The following RRP7A variants were observed in gnomAD, a reference collection of about 807,000 sequenced individuals.
RRP7A encodes ribosomal RNA processing 7 homolog A.
Under a neutral mutation model 38.4 loss-of-function variants are expected in RRP7A, and 27 were observed. The observed-to-expected ratio is 0.70, with a 90% CI of 0.52 to 0.97. The LOEUF (loss-of-function observed/expected upper bound fraction) is 0.97, where lower values mean the gene tolerates loss of function less well. Ranked by LOEUF, RRP7A falls within the 50% of genes least tolerant of loss-of-function variation. The pLI is 0.00. For missense variants in RRP7A, 327 were observed against 375.4 expected, an observed-to-expected ratio of 0.87 and a Z score of 1.07; for synonymous variants, 124 against 150.3, an observed-to-expected ratio of 0.83 and a Z score of 1.28.
chr22:42,517,213 G>A (rs1395432357), intron 2 of RRP7A, among the ~76,000 whole-genome samples: 1 of 151,872 alleles, frequency 6.6e-6, no homozygotes, highest in Non-Finnish European at 1.5e-5. Flanking sequence ...GGGAAGCGGA[G>A]GTTGCAGTGA....
Position 42,518,009 on chromosome 22 carries a change from G to A in RRP7A, c.212C>T (p.Thr71Ile), listed in dbSNP as rs746058080. 1.2e-6 allele frequency: 2 copies of A among 1,612,628 alleles called. No individual in the cohort carries two copies. Among genetic ancestry groups the A allele is most frequent in the South Asian group, 2.2e-5 (2 of 90,826 alleles). ...CCCAGACAGACACTAGCTCACCTCT[G>A]TGCAGTATGGGGGCACATTGAGGAC... The part of the protein sequence containing the change: ...LFVLNVPPYC[T>I]EESLSRLLST... The change falls in exon 2 of 7, where the codon ACA (threonine) becomes ATA (isoleucine). Residue 71 changes from threonine (T) to isoleucine (I), a missense_variant. Around this residue, in one of 5 missense-constraint regions of RRP7A, gnomAD observed 183 missense variants for 141.8 expected, o/e 1.29. Coordinates refer to ENST00000323013, the MANE Select transcript of RRP7A (RefSeq NM_015703.5).
In RRP7A at chr22:42,509,170, C is replaced by A. The variant is rs1414913690; in HGVS notation, c.*3740G>T. 5 of 1,609,800 alleles carry A rather than the reference C, an allele frequency of 3.1e-6. No individual in the cohort carries two copies. Among genetic ancestry groups the A allele is most frequent in the Non-Finnish European group, 4.2e-6 (5 of 1,177,434 alleles). ...AAGGAGACATGGGCGCCAGGAATCT[C>A]TGGGAGGGGGCCCTGGCATGAGGCT... is the stretch of plus-strand genomic sequence containing the variant. On this transcript the variant is annotated 3_prime_UTR_variant, in exon 7 of 7. Transcript: ENST00000323013.
chr22:42,508,614 G>A lies in RRP7A; in HGVS notation c.*4296C>T, dbSNP rs1159120962. Among the ~76,000 whole-genome samples, 1 of 152,220 alleles carries A rather than the reference G, an allele frequency of 6.6e-6. No homozygotes were observed. The highest frequency in any genetic ancestry group is 2.4e-5 in the African/African-American group (1 of 41,448). On this transcript the variant is annotated 3_prime_UTR_variant, in exon 7 of 7. Transcript: ENST00000323013. ...GCAAGTTTCTTTCTCCTGGCAAGAA[G>A]CCTGTCCCAGGCTGGCAGGGGACAG...
At position 42,515,999 on chromosome 22, in the gene RRP7A, T is replaced by C; in HGVS notation, c.342+12A>G. 1.3e-6 allele frequency: 2 copies of C among 1,583,206 alleles called. No individual in the cohort carries two copies. The highest frequency in any genetic ancestry group is 1.7e-6 in the Non-Finnish European group (2 of 1,162,398). On this transcript the variant is annotated intron_variant, in intron 3 of 6. Coordinates refer to ENST00000323013, the MANE Select transcript of RRP7A (RefSeq NM_015703.5). Reference sequence around the variant, plus strand: ...CCCTCACTCTAGTGGAACCCCGGGCTTGGCGGCTCACCGGAACTGGCTTGG... The same window carrying C: ...CCCTCACTCTAGTGGAACCCCGGGCCTGGCGGCTCACCGGAACTGGCTTGG...
At chr22:42,515,749 G>C (rs1470433091) in intron 3 of RRP7A, among the ~76,000 whole-genome samples, 1 of 152,188 alleles carries the variant, frequency 6.6e-6, no homozygotes, top group Non-Finnish European at 1.5e-5. Flanking sequence ...GGGGAGCCGG[G>C]GAAGGCCCTG....
rs144187064 is a variant in RRP7A, at chr22:42,509,850, GGTGTGTGT to G, written c.*3052_*3059del. The G allele has an allele frequency of 1.8e-5, 1 of 56,864 alleles. No homozygotes were observed. Among genetic ancestry groups the G allele is most frequent in the Non-Finnish European group, 3.4e-5 (1 of 29,032 alleles). 3.5% of individuals were successfully genotyped at this position (56,864 alleles called of 1,614,324 possible). On this transcript the variant is annotated 3_prime_UTR_variant, in exon 7 of 7. Coordinates refer to ENST00000323013, the MANE Select transcript of RRP7A (RefSeq NM_015703.5). Reference sequence around the variant, plus strand: ...AAGCCTGTTGGGGGTGGGGGGGTGGGGTGTGTGTGTGTGTGTGTAAGCTCAGAGGTTTG... The same window carrying G: ...AAGCCTGTTGGGGGTGGGGGGGTGGGGTGTGTGTGTAAGCTCAGAGGTTTG...
In RRP7A at chr22:42,516,132, C is replaced by T; in HGVS notation, c.221G>A (p.Ser74Asn). Reference protein sequence around the residue: ...LNVPPYCTEESLSRLLSTCGL... With the variant: ...LNVPPYCTEENLSRLLSTCGL... ...ACAGGTGGACAGGAGGCGGGACAGG[C>T]TCTCCTGCCGCAGGGAGAGGGAAGC... The change falls in exon 3 of 7, where the codon AGC becomes AAC. Residue 74 changes from serine (S) to asparagine (N), a missense_variant. Ser to Asn is a conservative substitution (Grantham distance 46). This residue lies in a region of RRP7A where 183 missense variants were observed against 141.8 expected (regional missense o/e 1.29). Transcript: ENST00000323013. 1.2e-6 allele frequency: 2 copies of T among 1,612,872 alleles called. No homozygotes were observed. Among genetic ancestry groups the T allele is most frequent in the Non-Finnish European group, 1.7e-6 (2 of 1,179,516 alleles).
In RRP7A at chr22:42,514,154, C is replaced by A. The variant is rs1343010242; in HGVS notation, c.709G>T (p.Glu237Ter). ...TGCCAGGCGTAGAAGTTGAGCAGCT[C>A]TTTTCGGCTGCGCTTCCGTCTCTCC... Reference protein sequence around the residue: ...ERERRKRSRKELLNFYAWQHR... With the variant: ...ERERRKRSRK The change falls in exon 6 of 7, where the codon GAG becomes TAG. Residue 237 changes from glutamate to a stop codon, truncating the protein, a stop_gained. Transcript: ENST00000323013. LOFTEE classifies it high-confidence loss of function. 1.2e-6 allele frequency: 2 copies of A among 1,613,564 alleles called. No homozygotes were observed. The highest frequency in any genetic ancestry group is 1.1e-5 in the South Asian group (1 of 91,038).
At chr22:42,516,535 ACTC>A (rs1427243223) in intron 2 of RRP7A, 14 of 353,826 alleles carry the variant, frequency 4.0e-5, no homozygotes, top group Non-Finnish European at 7.8e-5. Context: ...CTGGTCTTGA[ACTC>A]CTGACCTCAG....
chr22:42,510,303 TTC>T lies in RRP7A; in HGVS notation c.*2605_*2606del, dbSNP rs535713802. 2.5e-3 allele frequency: 390 copies of T among 158,314 alleles called. 4 individuals are homozygous for T. Among genetic ancestry groups the T allele is most frequent in the African/African-American group, 8.6e-3 (358 of 41,806 alleles). 9.8% of individuals were successfully genotyped at this position (158,314 alleles called of 1,614,324 possible). A position where few individuals can be genotyped will look rare whatever the true frequency, so the allele number is the denominator to read the frequency against. ...AATGGGAGGATTGTGAAGACATAAA[TTC>T]TCTCTCAGAGCAAGTGTGGGCTCCA... On this transcript the variant is annotated 3_prime_UTR_variant, in exon 7 of 7. Coordinates refer to ENST00000323013, the MANE Select transcript of RRP7A (RefSeq NM_015703.5).
chr22:42,513,977 C>A (rs538376046), intron 6 of RRP7A, 129 bp downstream of exon 6: 1 of 782,762 alleles, frequency 1.3e-6, no homozygotes, highest in African/African-American at 1.7e-5. Context: ...GTGCGAGCCC[C>A]GTGCTTAGGG....
At position 42,512,958 on chromosome 22, in the gene RRP7A, C is replaced by T. The variant is rs1601805201; in HGVS notation, c.795G>A (p.Lys265=). 1.9e-6 allele frequency: 3 copies of T among 1,613,586 alleles called. No individual in the cohort carries two copies. Among genetic ancestry groups the T allele is most frequent in the East Asian group, 4.5e-5 (2 of 44,880 alleles). ...AQLRKKFEED[K]QRIELLRAQR... is the part of the protein sequence containing the mutation. ...GGGCCCGCAGCAGCTCGATCCTCTG[C>T]TTGTCCTCCTCGAACTTCTTGCGCA... The change falls in exon 7 of 7, where the codon AAG becomes AAA. Residue 265 remains lysine, a synonymous_variant. Coordinates refer to ENST00000323013, the MANE Select transcript of RRP7A (RefSeq NM_015703.5).
chr22:42,517,962 A>AC, intron 2 of RRP7A, 43 bp downstream of exon 2: 1 of 1,598,298 alleles, frequency 6.3e-7, no homozygotes, highest in Non-Finnish European at 8.5e-7. Context: ...GGGAGCCCCC[A>AC]CCTTGAGCCC....
rs961169962 is a variant in RRP7A at position 42,508,360 on chromosome 22, A to G, written c.*4550T>C. Among the ~76,000 whole-genome samples, 2 of 148,484 alleles carry G rather than the reference A, an allele frequency of 1.3e-5. No homozygotes were observed. Among genetic ancestry groups the G allele is most frequent in the African/African-American group, 2.5e-5 (1 of 40,388 alleles). ...TTCTATAAATTCTTCTCATATTTTT[A>G]TTTAACATCCACAATGTGATTTAAG... On this transcript the variant is annotated 3_prime_UTR_variant, in exon 7 of 7. Coordinates refer to ENST00000323013, the MANE Select transcript of RRP7A (RefSeq NM_015703.5).
intron 1 of RRP7A, chr22:42,518,837 G>T (rs1464629674): frequency 2.2e-6 from 1 of 456,448 alleles, no homozygotes; most frequent in African/African-American, 2.0e-5. Context: ...AGTACCGGTT[G>T]GCGTAGAGCT....
intron 3 of RRP7A, 91 bp downstream of exon 3, chr22:42,515,920 G>A (rs1920928214): frequency 1.4e-6 from 2 of 1,439,836 alleles, no homozygotes; most frequent in Non-Finnish European, 1.9e-6. Flanking sequence ...ACCAGAGAAT[G>A]CTCTGATGTC....
At chr22:42,516,999 CA>C (rs1920931665) in intron 2 of RRP7A, among the ~76,000 whole-genome samples, 1 of 151,910 alleles carries the variant, frequency 6.6e-6, no homozygotes, top group Non-Finnish European at 1.5e-5. Context: ...TTCCCTTGGC[CA>C]GGGGCGGTGG....
rs1352989151 is a variant in RRP7A at position 42,509,523 on chromosome 22, A to G, written c.*3387T>C. On this transcript the variant is annotated 3_prime_UTR_variant, in exon 7 of 7. Coordinates refer to ENST00000323013, the MANE Select transcript of RRP7A (RefSeq NM_015703.5). ...TATTTTTGTATTTTTAGTAGAGACG[A>G]GGTTTCGCCATGTTGGCCAGGCTGC... 6.7e-6 allele frequency among the ~76,000 whole-genome samples: 1 copy of G among 149,808 alleles called. No homozygotes were observed. The highest frequency in any genetic ancestry group is 1.5e-5 in the Non-Finnish European group (1 of 67,174).
Position 42,510,627 on chromosome 22 carries a change from C to G in RRP7A, c.*2283G>C. On this transcript the variant is annotated 3_prime_UTR_variant, in exon 7 of 7. Coordinates refer to ENST00000323013, the MANE Select transcript of RRP7A (RefSeq NM_015703.5). The stretch of plus-strand genomic sequence containing the variant: ...CCAACAACCCCCAACTCCTCACTTT[C>G]CAGAGCAGTCCACGGATATTTTGAT... 8.1e-7 allele frequency: 1 copy of G among 1,240,342 alleles called. No homozygotes were observed. The highest frequency in any genetic ancestry group is 1.1e-6 in the Non-Finnish European group (1 of 885,752). 76.8% of individuals were successfully genotyped at this position (1,240,342 alleles called of 1,614,324 possible). A position where few individuals can be genotyped will look rare whatever the true frequency, so the allele number is the denominator to read the frequency against.
Sources: allele counts gnomAD v4.1 joint callset (sites outside exome capture counted in the v4.1 genomes callset), GRCh38; gene constraint gnomAD v4.1.1; regional missense constraint gnomAD v4.1.1; transcripts MANE v1.5; gene names NCBI Gene and HGNC (gene_info 2026-07-23, HGNC 2026-07-21).